OSBPL1A: variants seen among roughly 807,000 people sequenced by gnomAD.
The protein encoded by OSBPL1A is oxysterol-binding protein-related protein 1.
Under a neutral mutation model 137.1 loss-of-function variants are expected in OSBPL1A, and 80 were observed. The observed-to-expected ratio is 0.58, with a 90% CI of 0.49 to 0.70. The LOEUF is 0.70. Ranked by LOEUF, OSBPL1A falls within the 30% of genes least tolerant of loss-of-function variation. The pLI is 0.00. For missense variants in OSBPL1A, 970 were observed against 1,129.4 expected (o/e 0.86, Z 2.02); for synonymous variants, 365 against 389.7 (o/e 0.94, Z 0.75).
chr18:24,174,090 G>A (rs2086364451), intron 21 of OSBPL1A, among the ~76,000 whole-genome samples: 1 of 152,202 alleles, frequency 6.6e-6, no homozygotes, highest in African/African-American at 2.4e-5. Context: ...GTAGGATTCC[G>A]CTGTATGGAT....
intron 15 of OSBPL1A, among the ~76,000 whole-genome samples, chr18:24,267,867 G>C (rs2089621188): frequency 6.7e-6 from 1 of 149,480 alleles, no homozygotes; most frequent in Admixed American, 6.6e-5. Context: ...TTTAAATCAG[G>C]GATGAACATG....
chr18:24,331,691 C>T (rs946935275), intron 7 of OSBPL1A, among the ~76,000 whole-genome samples: 6 of 150,838 alleles, frequency 4.0e-5, no homozygotes, highest in South Asian at 2.1e-4. Flanking sequence ...CCACCGCGCC[C>T]GGCGGCATGT....
intron 18 of OSBPL1A, among the ~76,000 whole-genome samples, chr18:24,183,849 C>G (rs1034836095): frequency 6.6e-6 from 1 of 152,176 alleles, no homozygotes; most frequent in Non-Finnish European, 1.5e-5. Context: ...GTACATACAT[C>G]GAGTCTTTCC....
chr18:24,382,607 A>G (rs1906679221), intron 1 of OSBPL1A, among the ~76,000 whole-genome samples: 1 of 151,668 alleles, frequency 6.6e-6, no homozygotes, highest in South Asian at 2.1e-4. Flanking sequence ...ATATTATAGA[A>G]GAAGCTGGGG....
intron 15 of OSBPL1A, among the ~76,000 whole-genome samples, chr18:24,266,880 A>T (rs1411480589): frequency 1.3e-5 from 2 of 152,160 alleles, no homozygotes; most frequent in Admixed American, 6.5e-5. Context: ...TCCAGGTTCA[A>T]AAGACAGAGG....
At chr18:24,334,435 T>C (rs2091135775) in intron 5 of OSBPL1A, 105 bp from the exon 6 acceptor site, 2 of 708,050 alleles carry the variant, frequency 2.8e-6, no homozygotes, top group Middle Eastern at 3.2e-4. Flanking sequence ...ATGTTTTGGA[T>C]TGTAATTCAA....
intron 15 of OSBPL1A, among the ~76,000 whole-genome samples, chr18:24,268,647 C>T (rs187515082): frequency 2.6e-5 from 4 of 152,224 alleles, no homozygotes; most frequent in Admixed American, 2.6e-4. Context: ...GCTTGTCTCC[C>T]TTGATCTCCC....
intron 23 of OSBPL1A, among the ~76,000 whole-genome samples, chr18:24,170,916 G>A (rs1392538490): frequency 6.9e-6 from 1 of 145,670 alleles, no homozygotes; most frequent in Non-Finnish European, 1.5e-5. Flanking sequence ...CCAAAGTGCT[G>A]GGAATACAGG....
intron 2 of OSBPL1A, among the ~76,000 whole-genome samples, chr18:24,369,146 G>A (rs1017617224): frequency 4.6e-5 from 7 of 152,120 alleles, no homozygotes; most frequent in African/African-American, 1.4e-4. Flanking sequence ...GGAAAGCTGT[G>A]AACTCTACAG....
intron 16 of OSBPL1A, among the ~76,000 whole-genome samples, chr18:24,237,246 C>A (rs1238327975): frequency 6.6e-6 from 1 of 152,112 alleles, no homozygotes; most frequent in Non-Finnish European, 1.5e-5. Context: ...TGGGTTCTCA[C>A]ATACTTTTAT....
chr18:24,390,976 T>C (rs575842221), intron 1 of OSBPL1A, among the ~76,000 whole-genome samples: 104 of 152,100 alleles, frequency 6.8e-4, no homozygotes, highest in African/African-American at 2.4e-3. Flanking sequence ...GGTGCGTGCC[T>C]GTAGTCCCAG....
rs1179407804 is a variant in OSBPL1A, at chr18:24,377,417, G to C, written c.117C>G (p.Cys39Trp). ...CAAAATCCATTCAAAGTTTACCTTT[G>C]CAATTAATGTCAGCAATCACTTCAT... The part of the protein sequence containing the change: ...ARNEVIADIN[C>W]KGRSKSNLGW... The change falls in exon 2 of 28, where the codon TGC (cysteine) becomes TGG (tryptophan). Residue 39 changes from cysteine (C) to tryptophan (W), a missense_variant. Cys to Trp is a radical substitution (Grantham distance 215). Coordinates refer to ENST00000319481, the MANE Select transcript of OSBPL1A (RefSeq NM_080597.4). 6 of 1,604,282 alleles carry C rather than the reference G, an allele frequency of 3.7e-6. No individual in the cohort carries two copies. The highest frequency in any genetic ancestry group is 5.1e-6 in the Non-Finnish European group (6 of 1,177,210).
At chr18:24,175,912 G>A (rs1349750696) in intron 21 of OSBPL1A, among the ~76,000 whole-genome samples, 1 of 152,206 alleles carries the variant, frequency 6.6e-6, no homozygotes, top group African/African-American at 2.4e-5. Flanking sequence ...CTTCTTAGCT[G>A]TATTGCCTTT....
intron 5 of OSBPL1A, among the ~76,000 whole-genome samples, chr18:24,339,703 A>G (rs750597814): frequency 6.6e-5 from 10 of 152,224 alleles, no homozygotes; most frequent in African/African-American, 9.7e-5. Flanking sequence ...TTCAGTCACA[A>G]ATTATTAAAG....
intron 18 of OSBPL1A, among the ~76,000 whole-genome samples, chr18:24,193,463 G>A (rs1391228291): frequency 6.7e-6 from 1 of 150,026 alleles, no homozygotes; most frequent in Admixed American, 6.6e-5. Context: ...ATTCCAGCCT[G>A]GGCAACAAAG....
rs185158079 is a variant in OSBPL1A at position 24,379,306 on chromosome 18, G to A, written c.-2-1771C>T. On this transcript the variant is annotated intron_variant, in intron 1 of 27. Coordinates refer to ENST00000319481, the MANE Select transcript of OSBPL1A (RefSeq NM_080597.4). ...AGGCCGAGGCGGGTGGACCACTTGA[G>A]CCCAGGAGTTCAAGACCAGCCTGGA... 2.2e-3 allele frequency among the ~76,000 whole-genome samples: 341 copies of A among 152,250 alleles called. 1 individual carries two copies. The highest frequency in any genetic ancestry group is 7.6e-3 in the African/African-American group (317 of 41,546).
At chr18:24,254,797 T>A (rs2089221262) in intron 15 of OSBPL1A, among the ~76,000 whole-genome samples, 1 of 151,082 alleles carries the variant, frequency 6.6e-6, no homozygotes. Flanking sequence ...GCAAAACAAA[T>A]CAGTTGAAGA....
intron 15 of OSBPL1A, among the ~76,000 whole-genome samples, chr18:24,269,649 G>A (rs1286818440): frequency 3.9e-5 from 6 of 152,278 alleles, no homozygotes; most frequent in Admixed American, 3.9e-4. Context: ...AGACTCTGAA[G>A]TTAAAATGAA....
intron 7 of OSBPL1A, among the ~76,000 whole-genome samples, chr18:24,329,472 C>A (rs944376895): frequency 1.3e-5 from 2 of 151,436 alleles, no homozygotes; most frequent in Admixed American, 1.3e-4. Context: ...ATCGCTTGAA[C>A]CCAGGAGGCA....
Sources: gnomAD v4.1 joint callset for allele counts (sites outside exome capture counted in the v4.1 genomes callset) on GRCh38, gnomAD v4.1.1 for gene constraint, MANE v1.5 for transcripts, NCBI Gene and HGNC (gene_info 2026-07-23, HGNC 2026-07-21) for gene names.